IQCM: variants seen among roughly 807,000 people sequenced by gnomAD.
IQCM encodes the protein IQ motif containing M.
In IQCM, 45 loss-of-function variants were observed where a neutral mutation model predicts 57.6. The observed-to-expected ratio is 0.78, with a 90% confidence interval of 0.62 to 1.00. The LOEUF (loss-of-function observed/expected upper bound fraction) is 1.00, where lower values mean the gene tolerates loss of function less well. Ranked by LOEUF, IQCM falls within the 50% of genes least tolerant of loss-of-function variation. The pLI is 0.00. For synonymous variants in IQCM, 148 were observed against 158.9 expected (o/e 0.93, Z 0.51); for missense variants, 468 against 511.6 (o/e 0.91, Z 0.82).
chr4:149,359,019 G>C (rs111593301), intron 13 of IQCM, among the ~76,000 whole-genome samples: 1 of 149,628 alleles, frequency 6.7e-6, no homozygotes, highest in Admixed American at 6.6e-5. Flanking sequence ...AAAACCTAAA[G>C]AAGGGGACAT....
intron 13 of IQCM, among the ~76,000 whole-genome samples, chr4:149,397,863 C>G (rs1328617916): frequency 2.6e-5 from 4 of 151,878 alleles, no homozygotes; most frequent in Non-Finnish European, 5.9e-5. Context: ...TATTTTCTCC[C>G]ATTTCATAGG....
rs888582442 is a variant in IQCM at position 149,730,459 on chromosome 4, T to C, written c.385+2785A>G. Among the ~76,000 whole-genome samples, 3 of 152,192 alleles carry C rather than the reference T, an allele frequency of 2.0e-5. No homozygotes were observed. The East Asian group carries it at 5.8e-4, about 29-fold the overall frequency. On this transcript the variant is annotated intron_variant, in intron 5 of 13. Transcript: ENST00000636793. ...TTAAATTGTTCTCATAACTTTTAGG[T>C]TAAAATTCAGTGTTGTTCAGTATCT...
intron 12 of IQCM, among the ~76,000 whole-genome samples, chr4:149,544,412 G>T (rs1007094045): frequency 6.6e-6 from 1 of 152,012 alleles, no homozygotes; most frequent in African/African-American, 2.4e-5. Context: ...ATAAATTGAA[G>T]ACACAAATAA....
chr4:149,555,858 T>A (rs569741096), intron 10 of IQCM, among the ~76,000 whole-genome samples: 28 of 152,220 alleles, frequency 1.8e-4, no homozygotes, highest in Non-Finnish European at 3.5e-4. Context: ...TTCCTCTGAA[T>A]GTAACAACTC....
At chr4:149,603,297 A>G (rs1285692772) in intron 8 of IQCM, among the ~76,000 whole-genome samples, 1 of 152,218 alleles carries the variant, frequency 6.6e-6, no homozygotes, top group East Asian at 1.9e-4. Context: ...CAAATGTTAA[A>G]AGGCAAAGGT....
At chr4:149,418,169 G>GTTT in intron 13 of IQCM, among the ~76,000 whole-genome samples, 1 of 149,110 alleles carries the variant, frequency 6.7e-6, no homozygotes. Context: ...CCAGGTTATG[G>GTTT]TTTTTTTTTT....
chr4:149,704,717 T>G (rs1251033884), intron 5 of IQCM, among the ~76,000 whole-genome samples: 1 of 151,938 alleles, frequency 6.6e-6, no homozygotes, highest in Non-Finnish European at 1.5e-5. Context: ...TTGATTGAGC[T>G]AAGGGATGCC....
chr4:149,501,340 T>C (rs200778254), intron 12 of IQCM, among the ~76,000 whole-genome samples: 1 of 152,210 alleles, frequency 6.6e-6, no homozygotes, highest in East Asian at 1.9e-4. Flanking sequence ...CATCTTGGTA[T>C]CTTGAGGGCC....
intron 5 of IQCM, among the ~76,000 whole-genome samples, chr4:149,704,141 T>C (rs959327760): frequency 3.9e-5 from 6 of 151,984 alleles, no homozygotes; most frequent in African/African-American, 9.7e-5. Context: ...TTATTTATCT[T>C]ATTATAAACT....
At chr4:149,741,750 T>C (rs1192631509) in intron 3 of IQCM, among the ~76,000 whole-genome samples, 1 of 152,168 alleles carries the variant, frequency 6.6e-6, no homozygotes, top group Non-Finnish European at 1.5e-5. Context: ...AAAAGAAATA[T>C]AATGTGTAAT....
intron 13 of IQCM, among the ~76,000 whole-genome samples, chr4:149,420,211 T>C (rs1734029586): frequency 6.6e-6 from 1 of 152,152 alleles, no homozygotes; most frequent in Non-Finnish European, 1.5e-5. Context: ...ATTGCAGCAC[T>C]ATTCACAATA....
At chr4:149,375,587 A>T (rs1181030504) in intron 13 of IQCM, among the ~76,000 whole-genome samples, 5 of 152,210 alleles carry the variant, frequency 3.3e-5, no homozygotes, top group African/African-American at 1.2e-4. Flanking sequence ...AATCAGGTTA[A>T]TACATTTCTG....
intron 2 of IQCM, among the ~76,000 whole-genome samples, chr4:149,754,978 A>T (rs1241297750): frequency 6.6e-6 from 1 of 151,774 alleles, no homozygotes; most frequent in African/African-American, 2.4e-5. Context: ...TGACATCTCC[A>T]CTCTTCCAGT....
chr4:149,747,974 T>C (rs555918688), intron 2 of IQCM, among the ~76,000 whole-genome samples: 36 of 152,336 alleles, frequency 2.4e-4, no homozygotes, highest in African/African-American at 7.9e-4. Context: ...GATTCTGCCA[T>C]TGCCAAAGTG....
chr4:149,804,077 G>A (rs1274159897), intron 2 of IQCM, among the ~76,000 whole-genome samples: 1 of 151,900 alleles, frequency 6.6e-6, no homozygotes, highest in Non-Finnish European at 1.5e-5. Flanking sequence ...CTGGAGTTGA[G>A]TATTTCCCTT....
intron 11 of IQCM, among the ~76,000 whole-genome samples, chr4:149,549,508 A>G (rs1054211886): frequency 2.6e-5 from 4 of 152,048 alleles, no homozygotes; most frequent in African/African-American, 9.7e-5. Flanking sequence ...ACAGAGCGAG[A>G]CTCCGTCTCA....
In IQCM at chr4:149,458,546, A is replaced by C. The variant is rs552697698; in HGVS notation, c.1229-24989T>G. ...CTTAAATGCCAATCTTTTAAAATTA[A>C]ATAACCCTGCTGTGTGGTAGGTTTT... On this transcript the variant is annotated intron_variant, in intron 12 of 13. Coordinates refer to ENST00000636793, the MANE Select transcript of IQCM (RefSeq NM_001363507.2). Among the ~76,000 whole-genome samples the C allele has an allele frequency of 3.0e-4, 45 of 152,140 alleles. No homozygotes were observed. In the Middle Eastern group the frequency reaches 0.014, roughly 46 times the overall value.
At chr4:149,692,962 G>C (rs1763049766) in intron 5 of IQCM, among the ~76,000 whole-genome samples, 1 of 152,020 alleles carries the variant, frequency 6.6e-6, no homozygotes, top group African/African-American at 2.4e-5. Flanking sequence ...TAAGCAAAAG[G>C]AATGTAAGGC....
At chr4:149,471,933 A>C (rs1053336206) in intron 12 of IQCM, among the ~76,000 whole-genome samples, 3 of 152,202 alleles carry the variant, frequency 2.0e-5, no homozygotes, top group Non-Finnish European at 2.9e-5. Flanking sequence ...CTTCATGCTA[A>C]AGACTCTCAA....
Sources: gnomAD v4.1 joint callset for allele counts (sites outside exome capture counted in the v4.1 genomes callset) on GRCh38, gnomAD v4.1.1 for gene constraint, MANE v1.5 for transcripts, NCBI Gene and HGNC (gene_info 2026-07-23, HGNC 2026-07-21) for gene names.